The following CLMN variants were observed in gnomAD, a reference collection of about 807,000 sequenced individuals.
CLMN encodes calmin (calponin-like, transmembrane).
In CLMN, 57 loss-of-function variants were observed where a neutral mutation model predicts 92.7. The observed-to-expected ratio is 0.61, with a 90% CI of 0.50 to 0.77. The LOEUF is 0.77. Among genes scored for constraint, CLMN ranks in the 30% least tolerant of loss-of-function variants. The pLI, the probability that CLMN is intolerant of heterozygous loss-of-function variation, is 0.00. For synonymous variants in CLMN, 466 were observed against 470.6 expected, an observed-to-expected ratio of 0.99 and a Z score of 0.13; for missense variants, 1,158 against 1,237.5, an observed-to-expected ratio of 0.94 and a Z score of 0.96.
At chr14:95,254,743 G>A (rs570922804) in intron 1 of CLMN, among the ~76,000 whole-genome samples, 1 of 152,290 alleles carries the variant, frequency 6.6e-6, no homozygotes, top group South Asian at 2.1e-4. Context: ...TGTCACCCAG[G>A]CTGGAGTGCA....
intron 1 of CLMN, among the ~76,000 whole-genome samples, chr14:95,290,610 C>T (rs1459264161): frequency 1.3e-5 from 2 of 152,192 alleles, no homozygotes; most frequent in Non-Finnish European, 2.9e-5. Context: ...AGATTCTCTC[C>T]TGGGGCCTTC....
At chr14:95,260,727 T>C (rs1899218178) in intron 1 of CLMN, 1 of 152,228 alleles carries the variant, frequency 6.6e-6, no homozygotes, top group East Asian at 1.9e-4. Flanking sequence ...GGTGTGACCA[T>C]GGGAGGCTTC....
chr14:95,244,863 C>A (rs1261459890), intron 1 of CLMN, among the ~76,000 whole-genome samples: 1 of 151,708 alleles, frequency 6.6e-6, no homozygotes, highest in East Asian at 2.0e-4. Flanking sequence ...TGCAAATATT[C>A]AGGATTTCCC....
At position 95,191,993 on chromosome 14, in the gene CLMN, C is replaced by G; in HGVS notation, c.2841-261G>C. 2.8e-6 allele frequency: 1 copy of G among 352,214 alleles called. No individual in the cohort carries two copies. Among genetic ancestry groups the G allele is most frequent in the Non-Finnish European group, 5.1e-6 (1 of 194,830 alleles). The allele number at this position is 352,214 out of a possible 1,614,324, so 21.8% of individuals were successfully genotyped here. The stretch of plus-strand genomic sequence containing the variant: ...GGTGAGAGGAGGTGGCAGCCCCATT[C>G]TGCAGATGGACACACTGAGGCTTTC... On this transcript the variant is annotated intron_variant, in intron 12 of 12. Transcript: ENST00000298912. This position sits in a 1 kb window ranked among gnomAD's most constrained non-coding sequence, Gnocchi z 5.3.
intron 1 of CLMN, among the ~76,000 whole-genome samples, chr14:95,268,441 T>C (rs1351427279): frequency 6.6e-6 from 1 of 151,862 alleles, no homozygotes; most frequent in Non-Finnish European, 1.5e-5. Context: ...TACAACATTC[T>C]TGAAATGACA....
chr14:95,186,613 G>A lies in CLMN; in HGVS notation c.*4951C>T, dbSNP rs1331554129. 1 of 152,250 alleles carries A rather than the reference G, an allele frequency of 6.6e-6. No homozygotes were observed. Among genetic ancestry groups the A allele is most frequent in the Non-Finnish European group, 1.5e-5 (1 of 68,076 alleles). 9.4% of individuals were successfully genotyped at this position (152,250 alleles called of 1,614,324 possible). On this transcript the variant is annotated 3_prime_UTR_variant, in exon 13 of 13. Coordinates refer to ENST00000298912, the MANE Select transcript of CLMN (RefSeq NM_024734.4). ...CAGCGTCTCGCTCTGTCACTCAGGT[G>A]GAGTAAAATAGCAGGATCATAGCTC...
chr14:95,296,936 T>G (rs1235546119), intron 1 of CLMN, among the ~76,000 whole-genome samples: 1 of 152,198 alleles, frequency 6.6e-6, no homozygotes, highest in Non-Finnish European at 1.5e-5. Context: ...CACTTGAATT[T>G]CATCTTCCCA....
chr14:95,268,386 A>AG (rs1320162309), intron 1 of CLMN, among the ~76,000 whole-genome samples: 4 of 152,118 alleles, frequency 2.6e-5, no homozygotes, highest in African/African-American at 9.7e-5. Flanking sequence ...AAAAAAAAAA[A>AG]AAAAAGCCAA....
At chr14:95,258,566 G>A (rs1369093708) in intron 1 of CLMN, among the ~76,000 whole-genome samples, 2 of 150,120 alleles carry the variant, frequency 1.3e-5, no homozygotes, top group African/African-American at 2.5e-5. Context: ...GTGGTTGTGT[G>A]TGAAGGGTAT....
intron 1 of CLMN, among the ~76,000 whole-genome samples, chr14:95,292,576 CT>C (rs1414982939): frequency 6.6e-6 from 1 of 151,920 alleles, no homozygotes; most frequent in Non-Finnish European, 1.5e-5. Context: ...ATTTAAATAA[CT>C]TCAGGTCAAA....
At chr14:95,278,927 A>C (rs1900038654) in intron 1 of CLMN, among the ~76,000 whole-genome samples, 2 of 152,168 alleles carry the variant, frequency 1.3e-5, no homozygotes, top group African/African-American at 2.4e-5. Context: ...AGGCCCTAAA[A>C]ACTGCATGCT....
chr14:95,205,660 G>T lies in CLMN; in HGVS notation c.886-1197C>A, dbSNP rs144214002. Among the ~76,000 whole-genome samples the T allele has an allele frequency of 4.1e-4, 62 of 152,136 alleles. No individual in the cohort carries two copies. In the East Asian group the frequency reaches 0.011, roughly 26 times the overall value. ...ACAATATAGTAGCAAAAGTAATGGA[G>T]ATGAAGTAAAATTATATATGTGATA... On this transcript the variant is annotated intron_variant, in intron 8 of 12. Coordinates refer to ENST00000298912, the MANE Select transcript of CLMN (RefSeq NM_024734.4).
chr14:95,205,196 A>G (rs1329951189), intron 8 of CLMN, among the ~76,000 whole-genome samples: 1 of 152,224 alleles, frequency 6.6e-6, no homozygotes, highest in Non-Finnish European at 1.5e-5. Flanking sequence ...TCCTCATCTT[A>G]CACACTTGTT....
chr14:95,273,794 C>T (rs1036741247), intron 1 of CLMN, among the ~76,000 whole-genome samples: 8 of 152,160 alleles, frequency 5.3e-5, no homozygotes, highest in Non-Finnish European at 8.8e-5. Context: ...TTTGTTGACA[C>T]ACTTTAGGTC....
chr14:95,182,431 T>C lies in CLMN; in HGVS notation c.*9133A>G, dbSNP rs958132615. 6.6e-6 allele frequency: 1 copy of C among 152,252 alleles called. No individual in the cohort carries two copies. Among genetic ancestry groups the C allele is most frequent in the Non-Finnish European group, 1.5e-5 (1 of 68,054 alleles). The allele number at this position is 152,252 out of a possible 1,614,324, so 9.4% of individuals were successfully genotyped here. ...AGTTTAGTTAAGTCTGTCCTGAGGA[T>C]GTACAGTAGGGAACGACCATTTTTC... is the stretch of plus-strand genomic sequence containing the variant. On this transcript the variant is annotated 3_prime_UTR_variant, in exon 13 of 13. Transcript: ENST00000298912.
At position 95,194,583 on chromosome 14, in the gene CLMN, C is replaced by T. The variant is rs1401423562; in HGVS notation, c.2722G>A (p.Asp908Asn). 6.2e-7 allele frequency: 1 copy of T among 1,614,182 alleles called. No individual in the cohort carries two copies. The highest frequency in any genetic ancestry group is 2.2e-5 in the East Asian group (1 of 44,876). Residue 908 changes from aspartate (D) to asparagine (N), a missense_variant, in exon 11 of 13, where the codon GAC becomes AAC. Transcript: ENST00000298912. This position sits in a 1 kb window ranked among gnomAD's most constrained non-coding sequence, Gnocchi z 4.0. ...TGTCGTCGAAGGTAAATGCTGGAGTCACTGTGACTAGTCCTGAAAAACAAA... is the reference window on the plus strand; with the variant it reads ...TGTCGTCGAAGGTAAATGCTGGAGTTACTGTGACTAGTCCTGAAAAACAAA... ...YSIPSRTSHSDSSIYLRRHTH... is the reference protein window; with the variant it reads ...YSIPSRTSHSNSSIYLRRHTH...
intron 1 of CLMN, among the ~76,000 whole-genome samples, chr14:95,282,839 C>A (rs1305325456): frequency 6.6e-6 from 1 of 152,262 alleles, no homozygotes; most frequent in African/African-American, 2.4e-5. Flanking sequence ...GCAGGACCAG[C>A]ACATTCTTTG....
intron 1 of CLMN, among the ~76,000 whole-genome samples, chr14:95,247,427 G>T (rs1299368914): frequency 6.6e-6 from 1 of 152,322 alleles, no homozygotes; most frequent in Non-Finnish European, 1.5e-5. Context: ...GTGCTGTGCC[G>T]CATGGTGCCA....
chr14:95,246,404 T>C (rs1014067236), intron 1 of CLMN, among the ~76,000 whole-genome samples: 7 of 152,240 alleles, frequency 4.6e-5, no homozygotes, highest in African/African-American at 1.4e-4. Flanking sequence ...TGCCACTTAA[T>C]GGGCCGTGGG....
Sources: allele counts gnomAD v4.1 joint callset (sites outside exome capture counted in the v4.1 genomes callset), GRCh38; gene constraint gnomAD v4.1.1; non-coding constraint Gnocchi (gnomAD v3.1); transcripts MANE v1.5; gene names NCBI Gene and HGNC (gene_info 2026-07-23, HGNC 2026-07-21).